The following KHDRBS2 variants were observed in gnomAD, a reference collection of about 807,000 sequenced individuals.
KHDRBS2 encodes the protein KH domain-containing, RNA-binding, signal transduction-associated protein 2.
In KHDRBS2, 26 loss-of-function variants were observed where a neutral mutation model predicts 44.3. That is an observed-to-expected ratio of 0.59 (90% CI 0.43 to 0.81). The LOEUF (loss-of-function observed/expected upper bound fraction) is 0.81. Ranked by LOEUF, KHDRBS2 falls within the 40% of genes least tolerant of loss-of-function variation. The pLI is 0.00. For synonymous variants in KHDRBS2, 194 were observed against 151.1 expected, an observed-to-expected ratio of 1.28 and a Z score of -2.08; for missense variants, 476 against 433.1, an observed-to-expected ratio of 1.10 and a Z score of -0.88.
At position 61,723,112 on chromosome 6, in the gene KHDRBS2, C is replaced by A. The variant is rs558346037; in HGVS notation, c.893+9570G>T. On this transcript the variant is annotated intron_variant, in intron 7 of 8. Coordinates refer to ENST00000281156, the MANE Select transcript of KHDRBS2 (RefSeq NM_152688.4). ...AGGCAACTAGGGTCTGAAGCAGACC[C>A]AAGCAAACCACAGCAGGACTATAGA... Among the ~76,000 whole-genome samples, 18 of 152,064 alleles carry A rather than the reference C, an allele frequency of 1.2e-4. No homozygotes were observed. The South Asian group carries it at 3.7e-3, about 32-fold the overall frequency.
At chr6:61,967,362 A>G (rs921197835) in intron 4 of KHDRBS2, among the ~76,000 whole-genome samples, 1 of 152,052 alleles carries the variant, frequency 6.6e-6, no homozygotes, top group Non-Finnish European at 1.5e-5. Flanking sequence ...GTGCTTGGAA[A>G]TGTAAGCCAT....
intron 4 of KHDRBS2, among the ~76,000 whole-genome samples, chr6:61,960,000 A>G (rs1768279534): frequency 6.6e-6 from 1 of 152,184 alleles, no homozygotes; most frequent in Non-Finnish European, 1.5e-5. Flanking sequence ...AAAACATTTC[A>G]TCACTATCAA....
chr6:62,055,211 G>A (rs762035631), intron 2 of KHDRBS2, among the ~76,000 whole-genome samples: 10 of 151,844 alleles, frequency 6.6e-5, no homozygotes, highest in Non-Finnish European at 1.0e-4. Context: ...TACCATTAAA[G>A]CAGTAGTTTA....
chr6:61,937,127 G>A (rs1426881374), intron 4 of KHDRBS2, among the ~76,000 whole-genome samples: 1 of 151,522 alleles, frequency 6.6e-6, no homozygotes, highest in African/African-American at 2.4e-5. Context: ...CTGCATTCTG[G>A]TCATCTTCTC....
chr6:62,132,534 G>A (rs970098562), intron 2 of KHDRBS2, among the ~76,000 whole-genome samples: 76 of 152,116 alleles, frequency 5.0e-4, no homozygotes, highest in African/African-American at 1.7e-3. Context: ...TCCTTTAATG[G>A]ATTACATTTA....
chr6:61,946,987 T>A lies in KHDRBS2; in HGVS notation c.483+31079A>T, dbSNP rs59837479. Among the ~76,000 whole-genome samples the A allele has an allele frequency of 2.0e-3, 308 of 152,308 alleles. 3 individuals are homozygous for A. Among genetic ancestry groups the A allele is most frequent in the African/African-American group, 7.1e-3 (297 of 41,572 alleles). On this transcript the variant is annotated intron_variant, in intron 4 of 8. Coordinates refer to ENST00000281156, the MANE Select transcript of KHDRBS2 (RefSeq NM_152688.4). ...AAGAAAAGGATCTTGGGCGGGCAAA[T>A]GGATAAAAATCCAACAGAAATATCA...
rs144609026 is a variant in KHDRBS2 at position 62,257,029 on chromosome 6, A to C, written c.91+28829T>G. On this transcript the variant is annotated intron_variant, in intron 1 of 8. Transcript: ENST00000281156. The stretch of plus-strand genomic sequence containing the variant: ...TAAGGCTTCATACAGATCAATCCTC[A>C]AACTGCTAAACATATTAGGTCAAAT... 2.7e-4 allele frequency among the ~76,000 whole-genome samples: 41 copies of C among 152,208 alleles called. No individual in the cohort carries two copies. The East Asian group carries it at 6.8e-3, about 25-fold the overall frequency.
At chr6:61,913,068 A>C (rs1161404659) in intron 4 of KHDRBS2, among the ~76,000 whole-genome samples, 1 of 152,138 alleles carries the variant, frequency 6.6e-6, no homozygotes, top group African/African-American at 2.4e-5. Context: ...TCAGAATGCA[A>C]GTCATAAATT....
intron 4 of KHDRBS2, among the ~76,000 whole-genome samples, chr6:61,956,458 G>A (rs111780594): frequency 1.4e-4 from 22 of 152,010 alleles, no homozygotes; most frequent in Non-Finnish European, 2.2e-4. Context: ...GCTTCATTAG[G>A]TCATCTCAAA....
At chr6:61,690,372 A>G (rs894772080) in intron 8 of KHDRBS2, among the ~76,000 whole-genome samples, 1 of 151,982 alleles carries the variant, frequency 6.6e-6, no homozygotes, top group Non-Finnish European at 1.5e-5. Flanking sequence ...GAGTTCGACA[A>G]TAAGTCACTC....
intron 4 of KHDRBS2, among the ~76,000 whole-genome samples, chr6:61,949,599 G>A (rs369276049): frequency 2.6e-5 from 4 of 151,968 alleles, no homozygotes; most frequent in African/African-American, 4.8e-5. Flanking sequence ...TGGAAAATAC[G>A]TTGGTAATGT....
intron 6 of KHDRBS2, among the ~76,000 whole-genome samples, chr6:61,799,440 T>A (rs1785909898): frequency 6.6e-6 from 1 of 152,014 alleles, no homozygotes; most frequent in African/African-American, 2.4e-5. Flanking sequence ...AATAAAATAA[T>A]CAGGAAATAT....
chr6:61,765,144 T>G (rs1779823842), intron 6 of KHDRBS2, among the ~76,000 whole-genome samples: 1 of 152,082 alleles, frequency 6.6e-6, no homozygotes, highest in African/African-American at 2.4e-5. Context: ...TAAAGGGAAT[T>G]TAGAAGTAAC....
chr6:61,999,217 C>T (rs755297415), intron 3 of KHDRBS2, among the ~76,000 whole-genome samples: 3 of 152,026 alleles, frequency 2.0e-5, no homozygotes, highest in Non-Finnish European at 4.4e-5. Context: ...TTCCAACCTC[C>T]AACCCAAATA....
At chr6:62,079,099 A>G (rs928235784) in intron 2 of KHDRBS2, among the ~76,000 whole-genome samples, 1 of 152,034 alleles carries the variant, frequency 6.6e-6, no homozygotes, top group African/African-American at 2.4e-5. Context: ...AACTAAGCAC[A>G]AACAATAATT....
chr6:61,544,517 TA>T, the KHDRBS2 span, among the ~76,000 whole-genome samples: 1 of 152,146 alleles, frequency 6.6e-6, no homozygotes, highest in Admixed American at 6.6e-5. Context: ...ATCTTTTGTT[TA>T]AAATGCTTAT....
At chr6:62,247,292 A>C (rs549988228) in intron 1 of KHDRBS2, among the ~76,000 whole-genome samples, 2 of 152,106 alleles carry the variant, frequency 1.3e-5, no homozygotes, top group African/African-American at 2.4e-5. Flanking sequence ...GATATAGTGT[A>C]AGCATATATT....
chr6:62,113,518 G>C (rs1805508887), intron 2 of KHDRBS2, among the ~76,000 whole-genome samples: 1 of 152,090 alleles, frequency 6.6e-6, no homozygotes. Flanking sequence ...CTCCCTGAGA[G>C]AAACATGGCA....
chr6:62,104,793 GAAAT>G (rs1248315172), intron 2 of KHDRBS2, among the ~76,000 whole-genome samples: 3 of 151,522 alleles, frequency 2.0e-5, no homozygotes, highest in African/African-American at 4.8e-5. Flanking sequence ...TACAATAAAT[GAAAT>G]AAATAATAAG....
Sources: gnomAD v4.1 joint callset for allele counts (sites outside exome capture counted in the v4.1 genomes callset) on GRCh38, gnomAD v4.1.1 for gene constraint, MANE v1.5 for transcripts, NCBI Gene and HGNC (gene_info 2026-07-23, HGNC 2026-07-21) for gene names.